GALNT18: variants seen among roughly 807,000 people sequenced by gnomAD.
GALNT18 encodes polypeptide N-acetylgalactosaminyltransferase 18.
Under a neutral mutation model 69.5 loss-of-function variants are expected in GALNT18, and 44 were observed. The ratio of observed to expected loss-of-function variants is 0.63; its 90% CI spans 0.50 to 0.81. GALNT18 has a LOEUF of 0.81. Among genes scored for constraint, GALNT18 ranks in the 40% least tolerant of loss-of-function variants. The probability of loss-of-function intolerance (pLI) is 0.00; values close to 1 mark genes in which losing one functional copy is unlikely to be tolerated. For synonymous variants in GALNT18, 364 were observed against 318.2 expected (o/e 1.14, Z -1.53); for missense variants, 715 against 810.0 (o/e 0.88, Z 1.42).
At chr11:11,342,215 A>G (rs1361938072) in intron 6 of GALNT18, among the ~76,000 whole-genome samples, 1 of 152,214 alleles carries the variant, frequency 6.6e-6, no homozygotes, top group Non-Finnish European at 1.5e-5. Flanking sequence ...TGCTGAATAA[A>G]TAAATGATAG....
chr11:11,547,629 TTGCTCAAG>T (rs1165325993), intron 1 of GALNT18, among the ~76,000 whole-genome samples: 1 of 152,158 alleles, frequency 6.6e-6, no homozygotes, highest in Non-Finnish European at 1.5e-5. Flanking sequence ...CAGGACCTGC[TTGCTCAAG>T]CAAGCCCCTG....
intron 4 of GALNT18, among the ~76,000 whole-genome samples, chr11:11,378,744 G>A (rs1366541279): frequency 6.6e-6 from 1 of 152,106 alleles, no homozygotes; most frequent in Admixed American, 6.5e-5. Flanking sequence ...CTAGGTGTGG[G>A]AACCCTGTCC....
chr11:11,355,804 C>A (rs1036726301), intron 6 of GALNT18, among the ~76,000 whole-genome samples: 6 of 152,082 alleles, frequency 3.9e-5, no homozygotes, highest in Non-Finnish European at 8.8e-5. Flanking sequence ...AACAGAGCAC[C>A]CCACCATTCA....
chr11:11,426,749 G>T (rs750086449), intron 3 of GALNT18, among the ~76,000 whole-genome samples: 1 of 152,086 alleles, frequency 6.6e-6, no homozygotes, highest in Non-Finnish European at 1.5e-5. Context: ...CCCTTTAAAC[G>T]GAGTGATTCA....
At chr11:11,559,942 G>T (rs550232283) in intron 1 of GALNT18, among the ~76,000 whole-genome samples, 1 of 146,742 alleles carries the variant, frequency 6.8e-6, no homozygotes, top group Non-Finnish European at 1.5e-5. Context: ...TGATGGGATA[G>T]AATAGAATGG....
intron 1 of GALNT18, among the ~76,000 whole-genome samples, chr11:11,512,931 G>A (rs756343626): frequency 4.6e-5 from 7 of 152,206 alleles, no homozygotes; most frequent in South Asian, 2.1e-4. Context: ...GTCTGTGTGC[G>A]TGGTACCTGT....
At chr11:11,353,153 T>G (rs1346662978) in intron 6 of GALNT18, 25 of 1,611,468 alleles carry the variant, frequency 1.6e-5, no homozygotes, top group Non-Finnish European at 1.7e-5. Context: ...CTGGACTTGA[T>G]GTTTGGAGAT....
At position 11,320,349 on chromosome 11, in the gene GALNT18, C is replaced by A. The variant is rs1849822596; in HGVS notation, c.1512+6737G>T. 6.6e-6 allele frequency among the ~76,000 whole-genome samples: 1 copy of A among 152,216 alleles called. No individual in the cohort carries two copies. The highest frequency in any genetic ancestry group is 2.4e-5 in the African/African-American group (1 of 41,444). Reference sequence around the variant, plus strand: ...CTGCAGTTGTACAGTGCACAACCTGCACAATGGCATGTGACAGTTCCATCC... The same window carrying A: ...CTGCAGTTGTACAGTGCACAACCTGAACAATGGCATGTGACAGTTCCATCC... On this transcript the variant is annotated intron_variant, in intron 9 of 10. Transcript: ENST00000227756. This position sits in a 1 kb window ranked among gnomAD's most constrained non-coding sequence, Gnocchi z 4.9.
Position 11,588,692 on chromosome 11 carries a change from AG to A in GALNT18, c.235+32666del, listed in dbSNP as rs1859282175. ...TTAGCTCTGTTTCCTCTATCCATAG[AG>A]GAGTACTGCAAACAGGTAATCTGGC... On this transcript the variant is annotated intron_variant, in intron 1 of 10. Transcript: ENST00000227756. Among the ~76,000 whole-genome samples the A allele has an allele frequency of 2.0e-5, 3 of 152,212 alleles. 1 individual carries two copies. In the South Asian group the frequency reaches 6.2e-4, roughly 32 times the overall value.
chr11:11,443,999 G>A (rs1014450528), intron 2 of GALNT18, among the ~76,000 whole-genome samples: 2 of 152,230 alleles, frequency 1.3e-5, no homozygotes, highest in Non-Finnish European at 2.9e-5. Context: ...TGGGGGATTA[G>A]GATGTGGACA....
At chr11:11,488,312 G>C (rs571772276) in intron 1 of GALNT18, among the ~76,000 whole-genome samples, 3 of 152,020 alleles carry the variant, frequency 2.0e-5, no homozygotes, top group African/African-American at 7.2e-5. Context: ...TAAGCTTCCC[G>C]CATTCCTTGA....
intron 6 of GALNT18, among the ~76,000 whole-genome samples, chr11:11,343,862 T>C (rs2133059785): frequency 6.6e-6 from 1 of 152,346 alleles, no homozygotes; most frequent in East Asian, 1.9e-4. Flanking sequence ...CTAATCAGAA[T>C]GGTGGTGCGG....
rs745550422 is a variant in GALNT18, at chr11:11,448,734, C to T, written c.428+10G>A. ...AGGTCGACAAGGGCCCAGTCACTGA[C>T]TCTGCTCACCCACTGGGTCTGAGGT... On this transcript the variant is annotated intron_variant, in intron 2 of 10. Transcript: ENST00000227756. The T allele has an allele frequency of 6.2e-7, 1 of 1,604,100 alleles. No individual in the cohort carries two copies. The highest frequency in any genetic ancestry group is 8.5e-7 in the Non-Finnish European group (1 of 1,174,550).
chr11:11,484,593 C>CAA (rs1159968814), intron 1 of GALNT18, among the ~76,000 whole-genome samples: 10,116 of 82,370 alleles, frequency 0.12, 650 homozygotes, highest in East Asian at 0.29. Flanking sequence ...AACTCCATCT[C>CAA]AAAAAAAAAA....
chr11:11,271,323 G>C, intron 10 of GALNT18, 33 bp from the exon 11 acceptor site: 1 of 1,596,608 alleles, frequency 6.3e-7, no homozygotes, highest in Non-Finnish European at 8.6e-7. Context: ...GGGTCAGAGG[G>C]CATAGAGGCA....
At position 11,274,454 on chromosome 11, in the gene GALNT18, C is replaced by T. The variant is rs142478700; in HGVS notation, c.1678-3164G>A. On this transcript the variant is annotated intron_variant, in intron 10 of 10. Coordinates refer to ENST00000227756, the MANE Select transcript of GALNT18 (RefSeq NM_198516.3). ...CGAAAATCCACTGGCTTGAAATTCT[C>T]GCTGCTAGGACAGCAGTCTGAGGTT... Among the ~76,000 whole-genome samples the T allele has an allele frequency of 3.0e-3, 456 of 152,300 alleles. 6 individuals are homozygous for T. Among genetic ancestry groups the T allele is most frequent in the African/African-American group, 0.01 (417 of 41,564 alleles).
At chr11:11,397,792 A>C (rs952202398) in intron 3 of GALNT18, among the ~76,000 whole-genome samples, 4 of 152,184 alleles carry the variant, frequency 2.6e-5, no homozygotes, top group African/African-American at 9.7e-5. Flanking sequence ...ATATTTTTAA[A>C]AGGGCATAGA....
At position 11,382,101 on chromosome 11, in the gene GALNT18, C is replaced by T. The variant is rs555980185; in HGVS notation, c.596-2837G>A. On this transcript the variant is annotated intron_variant, in intron 3 of 10. Transcript: ENST00000227756. This position sits in a 1 kb window ranked among gnomAD's most constrained non-coding sequence, Gnocchi z 4.3. ...TTTGTACCTGCGAGCTCTGTTAACA[C>T]TGAGCTAGAGTAAAGGCTTCTGGTG... 3.3e-5 allele frequency among the ~76,000 whole-genome samples: 5 copies of T among 152,312 alleles called. No individual in the cohort carries two copies. In the South Asian group the frequency reaches 6.2e-4, roughly 19 times the overall value.
At chr11:11,327,356 T>A (rs1283423864) in intron 8 of GALNT18, among the ~76,000 whole-genome samples, 175 bp from the exon 9 acceptor site, 1 of 152,214 alleles carries the variant, frequency 6.6e-6, no homozygotes, top group Non-Finnish European at 1.5e-5. Context: ...GTAAAGGTGC[T>A]GAGGGGAGAC....
Sources: allele counts gnomAD v4.1 joint callset (sites outside exome capture counted in the v4.1 genomes callset), GRCh38; gene constraint gnomAD v4.1.1; non-coding constraint Gnocchi (gnomAD v3.1); transcripts MANE v1.5; gene names NCBI Gene and HGNC (gene_info 2026-07-23, HGNC 2026-07-21).